Variants in TTLL9 observed in about 807,000 individuals in gnomAD.
TTLL9 encodes tubulin tyrosine ligase like 9.
In TTLL9, 47 loss-of-function variants were observed where a neutral mutation model predicts 65.6. That is an observed-to-expected ratio of 0.72 (90% CI 0.57 to 0.91). The LOEUF is 0.91. TTLL9 is among the 40% of genes least tolerant of loss of function. The pLI is 0.00. For missense variants in TTLL9, 537 were observed against 568.8 expected (o/e 0.94, Z 0.57); for synonymous variants, 179 against 204.8 (o/e 0.87, Z 1.07).
intron 2 of TTLL9, among the ~76,000 whole-genome samples, chr20:31,876,406 A>G (rs796093824): frequency 1.2e-4 from 18 of 152,314 alleles, no homozygotes; most frequent in African/African-American, 4.1e-4. Context: ...AGATCGTACC[A>G]TTGCACTCCA....
At chr20:31,922,311 A>G (rs1408828908) in intron 7 of TTLL9, among the ~76,000 whole-genome samples, 1 of 152,102 alleles carries the variant, frequency 6.6e-6, no homozygotes, top group Non-Finnish European at 1.5e-5. Context: ...GAAATTTACC[A>G]TTGTAACTTC....
intron 10 of TTLL9, among the ~76,000 whole-genome samples, chr20:31,927,151 T>C (rs1346780021): frequency 6.6e-6 from 1 of 151,126 alleles, no homozygotes; most frequent in Non-Finnish European, 1.5e-5. Context: ...TGTCTATATA[T>C]ATATGTTTGC....
chr20:31,884,067 C>A, intron 2 of TTLL9: 1 of 556,644 alleles, frequency 1.8e-6, no homozygotes, highest in Non-Finnish European at 3.3e-6. Flanking sequence ...TACAAACTAC[C>A]AGAACTAATC....
Position 31,933,870 on chromosome 20 carries a change from G to T in TTLL9, c.807+12G>T. ...ACCACCCAAAGAAGGTGAGGAAGCC[G>T]GGCTCGGCTATGCACGGGTACAGCC... is the stretch of plus-strand genomic sequence containing the variant. On this transcript the variant is annotated intron_variant, in intron 11 of 14. Coordinates refer to ENST00000535842, the MANE Select transcript of TTLL9 (RefSeq NM_001008409.5). 6.2e-7 allele frequency: 1 copy of T among 1,613,126 alleles called. No individual in the cohort carries two copies. Among genetic ancestry groups the T allele is most frequent in the East Asian group, 2.2e-5 (1 of 44,842 alleles).
chr20:31,889,877 T>C (rs1379051501), intron 3 of TTLL9, among the ~76,000 whole-genome samples: 1 of 152,074 alleles, frequency 6.6e-6, no homozygotes, highest in Non-Finnish European at 1.5e-5. Context: ...TCTTGACCTC[T>C]TCCTCATGGA....
intron 13 of TTLL9, 104 bp downstream of exon 13, chr20:31,937,613 C>A: frequency 1.2e-6 from 1 of 868,974 alleles, no homozygotes; most frequent in Non-Finnish European, 1.8e-6. Flanking sequence ...TGGCCCTCAG[C>A]GATGGCTCTG....
chr20:31,917,865 C>G (rs1187648267), intron 6 of TTLL9, among the ~76,000 whole-genome samples: 1 of 152,194 alleles, frequency 6.6e-6, no homozygotes, highest in Non-Finnish European at 1.5e-5. Flanking sequence ...GAGCCACACT[C>G]TCTTACAGAC....
At chr20:31,910,019 A>C in intron 6 of TTLL9, 97 bp downstream of exon 6, 1 of 1,256,652 alleles carries the variant, frequency 8.0e-7, no homozygotes, top group Non-Finnish European at 1.1e-6. Context: ...TCAGCCTTAG[A>C]TGCTGTCTGC....
intron 10 of TTLL9, among the ~76,000 whole-genome samples, chr20:31,931,696 T>C (rs1225965867): frequency 1.3e-5 from 2 of 152,268 alleles, no homozygotes; most frequent in African/African-American, 4.8e-5. Flanking sequence ...TGGCCACTTA[T>C]AAATCTCTTC....
intron 4 of TTLL9, 94 bp downstream of exon 4, chr20:31,898,659 T>G: frequency 2.8e-6 from 3 of 1,083,960 alleles, no homozygotes; most frequent in Non-Finnish European, 4.1e-6. Context: ...GGGTGGCCAC[T>G]GGGACTTGTC....
In TTLL9 at chr20:31,939,406, G is replaced by T. The variant is rs2064170315; in HGVS notation, c.1243+140G>T. ...ACCAGCTGTGTGACCTTGGGCAAGG[G>T]ACTTAACCTCTGTTCCTCGTTTTTA... On this transcript the variant is annotated intron_variant, in intron 14 of 14. Coordinates refer to ENST00000535842, the MANE Select transcript of TTLL9 (RefSeq NM_001008409.5). The T allele has an allele frequency of 3.2e-6, 3 of 950,300 alleles. No homozygotes were observed. In the South Asian group the frequency reaches 6.7e-5, roughly 21 times the overall value. 58.9% of individuals were successfully genotyped at this position (950,300 alleles called of 1,614,324 possible).
intron 13 of TTLL9, 93 bp from the exon 14 acceptor site, chr20:31,939,049 G>C: frequency 7.1e-7 from 1 of 1,400,900 alleles, no homozygotes; most frequent in Non-Finnish European, 9.5e-7. Context: ...ACGGACATCA[G>C]TTGGGCTCAG....
intron 9 of TTLL9, 63 bp downstream of exon 9, chr20:31,925,112 T>C: frequency 6.7e-7 from 1 of 1,483,832 alleles, no homozygotes; most frequent in Non-Finnish European, 9.2e-7. Context: ...GCTAGGGAGA[T>C]GGGGGGAAGA....
At chr20:31,897,700 C>T (rs948892285) in intron 3 of TTLL9, among the ~76,000 whole-genome samples, 1 of 152,072 alleles carries the variant, frequency 6.6e-6, no homozygotes, top group Non-Finnish European at 1.5e-5. Flanking sequence ...GTGGCCTTCT[C>T]TGACAGCACC....
chr20:31,930,279 A>G (rs1452743322), intron 10 of TTLL9, among the ~76,000 whole-genome samples: 2 of 152,190 alleles, frequency 1.3e-5, no homozygotes, highest in Non-Finnish European at 2.9e-5. Context: ...CATTCATTAT[A>G]TGATTCTTGC....
intron 2 of TTLL9, among the ~76,000 whole-genome samples, chr20:31,873,954 C>T (rs1350315142): frequency 6.6e-6 from 1 of 152,164 alleles, no homozygotes; most frequent in East Asian, 1.9e-4. Flanking sequence ...AGCAGCTCTG[C>T]GATCCTAGGC....
At chr20:31,928,130 A>G (rs1318901877) in intron 10 of TTLL9, among the ~76,000 whole-genome samples, 1 of 151,854 alleles carries the variant, frequency 6.6e-6, no homozygotes, top group African/African-American at 2.4e-5. Context: ...CTCTCAGTAA[A>G]TGTTAGTGGT....
Position 31,943,071 on chromosome 20 carries a change from C to A in TTLL9, c.*50C>A, listed in dbSNP as rs766982209. On this transcript the variant is annotated 3_prime_UTR_variant, in exon 15 of 15. Transcript: ENST00000535842. ...GCCTTAGCAGGTGCCACCCAGGCCT[C>A]CCCCCCACTCCCAGATCCCAGCACA... The A allele has an allele frequency of 4.1e-5, 62 of 1,500,662 alleles. 1 individual carries two copies. In the Middle Eastern group the frequency reaches 5.3e-4, roughly 13 times the overall value. 93.0% of individuals were successfully genotyped at this position (1,500,662 alleles called of 1,614,324 possible).
chr20:31,937,378 A>G lies in TTLL9; in HGVS notation c.1005-18A>G, dbSNP rs2064130046. 6.2e-7 allele frequency: 1 copy of G among 1,601,942 alleles called. No individual in the cohort carries two copies. The highest frequency in any genetic ancestry group is 8.5e-7 in the Non-Finnish European group (1 of 1,170,048). ...GGACCGAGTAACCCTAAGACTCTCT[A>G]CTCCCCTCCCTTCCCAGGTGGCTCC... On this transcript the variant is annotated intron_variant, in intron 12 of 14. Transcript: ENST00000535842.
Sources: gnomAD v4.1 joint callset for allele counts (sites outside exome capture counted in the v4.1 genomes callset) on GRCh38, gnomAD v4.1.1 for gene constraint, MANE v1.5 for transcripts, NCBI Gene and HGNC (gene_info 2026-07-23, HGNC 2026-07-21) for gene names.